WARS2: variants seen among roughly 807,000 people sequenced by gnomAD.
WARS2 encodes tryptophan--tRNA ligase, mitochondrial.
A neutral mutation model predicts 36.5 loss-of-function variants in WARS2; 28 were observed. That is an observed-to-expected ratio of 0.77 (90% CI 0.57 to 1.05). The LOEUF (loss-of-function observed/expected upper bound fraction) is 1.05. WARS2 is among the 50% of genes least tolerant of loss of function. The pLI, the probability that WARS2 is intolerant of heterozygous loss-of-function variation, is 0.00. For synonymous variants in WARS2, 174 were observed against 178.4 expected (o/e 0.98, Z 0.20); for missense variants, 435 against 456.8 (o/e 0.95, Z 0.44).
intron 1 of WARS2, among the ~76,000 whole-genome samples, chr1:119,115,563 TC>T (rs1344670591): frequency 6.6e-6 from 1 of 152,136 alleles, no homozygotes; most frequent in African/African-American, 2.4e-5. Flanking sequence ...ATGGAAGAGA[TC>T]AAATTCAACA....
intron 1 of WARS2, among the ~76,000 whole-genome samples, chr1:119,082,017 T>C (rs143862284): frequency 6.6e-6 from 1 of 151,982 alleles, no homozygotes; most frequent in Non-Finnish European, 1.5e-5. Context: ...TGCTCAGACC[T>C]AGGAATCAAT....
At chr1:119,080,041 A>G (rs1652070360) in intron 1 of WARS2, among the ~76,000 whole-genome samples, 1 of 152,198 alleles carries the variant, frequency 6.6e-6, no homozygotes, top group African/African-American at 2.4e-5. Flanking sequence ...TAGGAACCCT[A>G]ACCAGCTCTG....
chr1:119,070,411 G>C (rs1459993308), intron 2 of WARS2, among the ~76,000 whole-genome samples: 1 of 151,964 alleles, frequency 6.6e-6, no homozygotes, highest in East Asian at 2.0e-4. Flanking sequence ...GACCACAGGC[G>C]TGCGACACCA....
At chr1:119,048,465 T>C (rs549900299) in intron 2 of WARS2, among the ~76,000 whole-genome samples, 16 of 152,360 alleles carry the variant, frequency 1.1e-4, no homozygotes, top group African/African-American at 3.6e-4. Flanking sequence ...AAGATAATTG[T>C]ACATTCACAT....
chr1:119,061,007 A>G (rs889319160), intron 2 of WARS2, among the ~76,000 whole-genome samples: 1 of 152,152 alleles, frequency 6.6e-6, no homozygotes, highest in Non-Finnish European at 1.5e-5. Context: ...CTGGCAAAAT[A>G]TTTCAATTAT....
chr1:119,113,412 A>T (rs1654771558), intron 1 of WARS2, among the ~76,000 whole-genome samples: 1 of 152,174 alleles, frequency 6.6e-6, no homozygotes, highest in South Asian at 2.1e-4. Context: ...GAAAGTAAGG[A>T]TATCCCTCAA....
At chr1:119,033,515 T>A in intron 5 of WARS2, 156 bp from the exon 6 acceptor site, 1 of 898,050 alleles carries the variant, frequency 1.1e-6, no homozygotes, top group African/African-American at 1.7e-5. Context: ...CAGTAGAAAC[T>A]GTACTTGAAA....
chr1:119,065,450 G>T (rs1258193243), intron 2 of WARS2, among the ~76,000 whole-genome samples: 1 of 151,776 alleles, frequency 6.6e-6, no homozygotes, highest in Non-Finnish European at 1.5e-5. Flanking sequence ...TGGCCAACAT[G>T]ACGAAACCCC....
At chr1:119,041,048 A>C (rs772731921) in intron 4 of WARS2, among the ~76,000 whole-genome samples, 2 of 152,210 alleles carry the variant, frequency 1.3e-5, no homozygotes, top group Non-Finnish European at 2.9e-5. Context: ...GCATGTACTC[A>C]TGGACATTCC....
intron 2 of WARS2, among the ~76,000 whole-genome samples, chr1:119,075,548 G>A (rs1478754603): frequency 6.6e-6 from 1 of 152,144 alleles, no homozygotes. Context: ...AATAATGATA[G>A]AAATGTACAA....
chr1:119,080,031 T>C (rs148369061), intron 1 of WARS2, among the ~76,000 whole-genome samples: 24 of 152,276 alleles, frequency 1.6e-4, no homozygotes, highest in African/African-American at 5.8e-4. Flanking sequence ...CTCCAGGACC[T>C]AGGAACCCTA....
At chr1:119,136,588 T>C (rs1040463648) in intron 1 of WARS2, among the ~76,000 whole-genome samples, 1 of 152,158 alleles carries the variant, frequency 6.6e-6, no homozygotes, top group Non-Finnish European at 1.5e-5. Flanking sequence ...TCCCAGATGA[T>C]TGTAGTAGCT....
chr1:119,120,447 G>A (rs1420465869), intron 1 of WARS2, among the ~76,000 whole-genome samples: 3 of 151,968 alleles, frequency 2.0e-5, no homozygotes, highest in Non-Finnish European at 4.4e-5. Flanking sequence ...GGACCAGATG[G>A]ATTCACAGCC....
At chr1:119,125,624 TC>T (rs1655603490) in intron 1 of WARS2, among the ~76,000 whole-genome samples, 1 of 152,190 alleles carries the variant, frequency 6.6e-6, no homozygotes, top group East Asian at 1.9e-4. Flanking sequence ...CTGAACAGGG[TC>T]TTTTAATCAT....
chr1:119,070,008 C>A (rs1353935623), intron 2 of WARS2, among the ~76,000 whole-genome samples: 1 of 152,090 alleles, frequency 6.6e-6, no homozygotes, highest in Non-Finnish European at 1.5e-5. Context: ...TAGGGGAAAA[C>A]CGTAAAAGCC....
At position 119,034,123 on chromosome 1, in the gene WARS2, C is replaced by T; in HGVS notation, c.606G>A (p.Glu202=). The change falls in exon 5 of 6, where the codon GAG becomes GAA. Residue 202 remains glutamate (E), a synonymous_variant. Transcript: ENST00000235521. ...LAQGFNKKYG[E]FFPVPESILT... ...GAATGGACTCGGGCACTGGAAAGAA[C>T]TCCCCATACTTCTTGTTGAAACCTT... 1 of 1,613,912 alleles carries T rather than the reference C, an allele frequency of 6.2e-7. No individual in the cohort carries two copies. The highest frequency in any genetic ancestry group is 1.7e-4 in the Middle Eastern group (1 of 6,060).
intron 5 of WARS2, 169 bp from the exon 6 acceptor site, chr1:119,033,528 C>T: frequency 2.6e-6 from 2 of 761,802 alleles, no homozygotes; most frequent in East Asian, 2.6e-5. Flanking sequence ...ACTTGAAATA[C>T]CCACACAACC....
At chr1:119,073,392 T>C (rs1651481831) in intron 2 of WARS2, among the ~76,000 whole-genome samples, 1 of 152,160 alleles carries the variant, frequency 6.6e-6, no homozygotes, top group Non-Finnish European at 1.5e-5. Context: ...ACGAAATGGC[T>C]AAGACCAAGT....
intron 1 of WARS2, among the ~76,000 whole-genome samples, chr1:119,113,987 A>G (rs1654809484): frequency 6.6e-6 from 1 of 152,164 alleles, no homozygotes; most frequent in Admixed American, 6.5e-5. Flanking sequence ...AACAGTAGTA[A>G]ATATACACAG....
Sources: gnomAD v4.1 joint callset for allele counts (sites outside exome capture counted in the v4.1 genomes callset) on GRCh38, gnomAD v4.1.1 for gene constraint, MANE v1.5 for transcripts, NCBI Gene and HGNC (gene_info 2026-07-23, HGNC 2026-07-21) for gene names.